NFATC1: variants seen among roughly 807,000 people sequenced by gnomAD.
The protein encoded by NFATC1 is nuclear factor of activated T-cells, cytoplasmic 1.
A neutral mutation model predicts 76.0 loss-of-function variants in NFATC1; 22 were observed. The ratio of observed to expected loss-of-function variants is 0.29; its 90% confidence interval spans 0.21 to 0.41. The LOEUF (loss-of-function observed/expected upper bound fraction) is 0.41, where lower values mean the gene tolerates loss of function less well. Among genes scored for constraint, NFATC1 ranks in the 10% least tolerant of loss-of-function variants. The pLI is 1.00. For synonymous variants in NFATC1, 704 were observed against 613.1 expected, an observed-to-expected ratio of 1.15 and a Z score of -2.19; for missense variants, 1,357 against 1,337.7, an observed-to-expected ratio of 1.01 and a Z score of -0.23.
Position 79,410,557 on chromosome 18 carries a change from C to T in NFATC1, c.282C>T (p.Asp94=), listed in dbSNP as rs757567139. Residue 94 remains aspartate (D), a synonymous_variant, in exon 2 of 10, where the codon GAC becomes GAT. Transcript: ENST00000427363. This position sits in a 1 kb window ranked among gnomAD's most constrained non-coding sequence, Gnocchi z 6.7. ...CCTCGGGGTACGGAGCAGCTTTGGACGGTGGGCCCGCGGGCTACTTCCTCT... is the reference window on the plus strand; with the variant it reads ...CCTCGGGGTACGGAGCAGCTTTGGATGGTGGGCCCGCGGGCTACTTCCTCT... The part of the protein sequence containing the change: ...DHPSGYGAAL[D]GGPAGYFLSS... 68 of 1,611,542 alleles carry T rather than the reference C, an allele frequency of 4.2e-5. No individual in the cohort carries two copies. The highest frequency in any genetic ancestry group is 5.3e-5 in the African/African-American group (4 of 74,926).
At chr18:79,496,865 C>G (rs1040211386) in intron 9 of NFATC1, 1 of 152,232 alleles carries the variant, frequency 6.6e-6, no homozygotes, top group African/African-American at 2.4e-5. Context: ...GTGCTCACCA[C>G]CCCCCTTTCC....
intron 8 of NFATC1, among the ~76,000 whole-genome samples, chr18:79,478,986 G>T (rs951396665): frequency 1.3e-5 from 2 of 152,176 alleles, no homozygotes; most frequent in Non-Finnish European, 2.9e-5. Context: ...CCCCATGGAC[G>T]CTGGGGCTGC....
At chr18:79,400,256 G>GGGGGGGC in intron 1 of NFATC1, 2 of 1,195,694 alleles carry the variant, frequency 1.7e-6, no homozygotes, top group Admixed American at 4.6e-5. Context: ...GAAACGCCCC[G>GGGGGGGC]GGGGGCGGGG....
intron 9 of NFATC1, among the ~76,000 whole-genome samples, chr18:79,514,658 G>A (rs957872128): frequency 3.4e-5 from 5 of 147,426 alleles, no homozygotes; most frequent in Non-Finnish European, 5.9e-5. Flanking sequence ...TTAAATGGCC[G>A]TTTTCTTACA....
At chr18:79,456,279 A>G (rs1187920733) in intron 6 of NFATC1, among the ~76,000 whole-genome samples, 1 of 152,192 alleles carries the variant, frequency 6.6e-6, no homozygotes, top group Non-Finnish European at 1.5e-5. Context: ...TGTGGGGTGC[A>G]TGTCCCCAGG....
chr18:79,482,528 T>C (rs1433810793), intron 8 of NFATC1, among the ~76,000 whole-genome samples: 1 of 143,440 alleles, frequency 7.0e-6, no homozygotes, highest in African/African-American at 2.6e-5. Flanking sequence ...GACCTGGTCC[T>C]GGGGTGTCAC....
rs577696155 is a variant in NFATC1, at chr18:79,411,227, G to A, written c.952G>A (p.Ala318Thr). ...CTCGGCCATCGTGGCCGCCATCAAC[G>A]CGCTGACCACCGACAGCAGCCTGGA... ...TSSAIVAAINALTTDSSLDLG... is the reference protein window; with the variant it reads ...TSSAIVAAINTLTTDSSLDLG... Residue 318 changes from alanine (A) to threonine (T), a missense_variant, in exon 2 of 10, where the codon GCG becomes ACG. By Grantham distance (58) the Ala-to-Thr change is moderately conservative (BLOSUM62 0). This residue lies in a region of NFATC1 where 691 missense variants were observed against 613.1 expected (regional missense o/e 1.13). Coordinates refer to ENST00000427363, the MANE Select transcript of NFATC1 (RefSeq NM_001278669.2). The A allele has an allele frequency of 1.5e-5, 24 of 1,605,120 alleles. No homozygotes were observed. Among genetic ancestry groups the A allele is most frequent in the East Asian group, 1.1e-4 (5 of 44,862 alleles).
intron 9 of NFATC1, among the ~76,000 whole-genome samples, chr18:79,502,940 T>C (rs2090044044): frequency 1.3e-5 from 2 of 152,194 alleles, no homozygotes; most frequent in Non-Finnish European, 2.9e-5. Flanking sequence ...AGAAGAAACT[T>C]GCCATGTGAC....
At chr18:79,488,716 C>T (rs2089594809) in intron 9 of NFATC1, among the ~76,000 whole-genome samples, 1 of 152,222 alleles carries the variant, frequency 6.6e-6, no homozygotes, top group Admixed American at 6.5e-5. Context: ...ACATCCATGC[C>T]TCCAGTCCCT....
chr18:79,521,117 G>GGA (rs2090542324), intron 9 of NFATC1, among the ~76,000 whole-genome samples: 1 of 107,266 alleles, frequency 9.3e-6, no homozygotes, highest in Non-Finnish European at 1.9e-5. Flanking sequence ...GTGTGTGGGG[G>GGA]GCGTCTGCTG....
chr18:79,495,312 T>A lies in NFATC1; in HGVS notation c.2782+8375T>A, dbSNP rs567673580. Reference sequence around the variant, plus strand: ...GCCTGTGAGGTTCTGGGCACTTTTTTAAATTGCCTGAAGATATTCACTGTG... The same window carrying A: ...GCCTGTGAGGTTCTGGGCACTTTTTAAAATTGCCTGAAGATATTCACTGTG... On this transcript the variant is annotated intron_variant, in intron 9 of 9. Coordinates refer to ENST00000427363, the MANE Select transcript of NFATC1 (RefSeq NM_001278669.2). 2.3e-3 allele frequency among the ~76,000 whole-genome samples: 343 copies of A among 152,386 alleles called. 1 individual carries two copies. Among genetic ancestry groups the A allele is most frequent in the African/African-American group, 7.7e-3 (321 of 41,596 alleles).
Position 79,486,630 on chromosome 18 carries a change from G to A in NFATC1, c.2475G>A (p.Gln825=), listed in dbSNP as rs1376995059. 6.2e-7 allele frequency: 1 copy of A among 1,601,666 alleles called. No homozygotes were observed. ...CACCCCCGGCCCTGCTGCCACAGCA[G>A]GTGAGTGCGCCTCCAAGCAGTAGCT... ...GQPPPALLPQ[Q]VSAPPSSSCP... Residue 825 remains glutamine, a synonymous_variant, in exon 9 of 10, where the codon CAG becomes CAA. Transcript: ENST00000427363.
chr18:79,431,860 G>A (rs549598911), intron 2 of NFATC1, among the ~76,000 whole-genome samples: 5 of 152,106 alleles, frequency 3.3e-5, no homozygotes, highest in African/African-American at 1.2e-4. Context: ...CCGCCACCAC[G>A]CCCGGCTAAT....
intron 9 of NFATC1, chr18:79,493,410 C>A (rs961184427): frequency 6.6e-6 from 1 of 152,262 alleles, no homozygotes; most frequent in Non-Finnish European, 1.5e-5. Flanking sequence ...CAGCGGCCGT[C>A]CCTCGGCGCG....
Position 79,431,712 on chromosome 18 carries a change from GT to G in NFATC1, c.1227-1858del, listed in dbSNP as rs1201040580. On this transcript the variant is annotated intron_variant, in intron 2 of 9. Transcript: ENST00000427363. ...GGCCTTGTTTTTGTTGTTGTTTGTT[GT>G]TTTTTTTTAGATGGAGTCTCGCTCT... Among the ~76,000 whole-genome samples the G allele has an allele frequency of 1.2e-4, 18 of 151,300 alleles. No homozygotes were observed. The South Asian group carries it at 2.9e-3, about 25-fold the overall frequency.
At chr18:79,474,039 C>G (rs1422305357) in intron 8 of NFATC1, among the ~76,000 whole-genome samples, 1 of 141,374 alleles carries the variant, frequency 7.1e-6, no homozygotes, top group Non-Finnish European at 1.5e-5. Context: ...GAAGCGTGTT[C>G]TCACGCTCGC....
Position 79,451,029 on chromosome 18 carries a change from G to A in NFATC1, c.1665G>A (p.Arg555=). ...ELRKGETDIG[R]KNTRVRLVFR... ...GGAAAGGAGAGACGGACATCGGGAG[G>A]AAGAACACACGGGTACGGCTGGTGT... The change falls in exon 5 of 10, where the codon AGG becomes AGA. Residue 555 remains arginine (R), a synonymous_variant. Coordinates refer to ENST00000427363, the MANE Select transcript of NFATC1 (RefSeq NM_001278669.2). 1 of 1,613,898 alleles carries A rather than the reference G, an allele frequency of 6.2e-7. No homozygotes were observed. Among genetic ancestry groups the A allele is most frequent in the South Asian group, 1.1e-5 (1 of 91,090 alleles).
In NFATC1 at chr18:79,410,220, TG is replaced by T; in HGVS notation, c.128-179del. 1.0e-6 allele frequency: 1 copy of T among 953,600 alleles called. No homozygotes were observed. The highest frequency in any genetic ancestry group is 1.6e-6 in the Non-Finnish European group (1 of 618,646). 59.1% of individuals were successfully genotyped at this position (953,600 alleles called of 1,614,324 possible). On this transcript the variant is annotated intron_variant, in intron 1 of 9. Transcript: ENST00000427363. This position sits in a 1 kb window ranked among gnomAD's most constrained non-coding sequence, Gnocchi z 6.7. ...GGGAGCCTTGTTGGCCAGGTGGGAC[TG>T]GGGCTGTCACTCCAAGTCGCCCGGA...
intron 3 of NFATC1, among the ~76,000 whole-genome samples, chr18:79,435,158 A>G (rs146832440): frequency 6.6e-6 from 1 of 152,286 alleles, no homozygotes; most frequent in East Asian, 1.9e-4. Context: ...GAAATAAAGC[A>G]ATAGAGAAAT....
Sources: allele counts gnomAD v4.1 joint callset (sites outside exome capture counted in the v4.1 genomes callset), GRCh38; gene constraint gnomAD v4.1.1; regional missense constraint gnomAD v4.1.1; non-coding constraint Gnocchi (gnomAD v3.1); transcripts MANE v1.5; gene names NCBI Gene and HGNC (gene_info 2026-07-23, HGNC 2026-07-21).